GBP6: variants seen among roughly 807,000 people sequenced by gnomAD.
GBP6 encodes guanylate-binding protein 6.
A neutral mutation model predicts 61.5 loss-of-function variants in GBP6; 54 were observed. The ratio of observed to expected loss-of-function variants is 0.88; its 90% confidence interval spans 0.71 to 1.10. The LOEUF is 1.10. GBP6 is among the 50% of genes least tolerant of loss of function. GBP6 has a pLI of 0.00. For synonymous variants in GBP6, 255 were observed against 273.7 expected (o/e 0.93, Z 0.67); for missense variants, 748 against 752.8 (o/e 0.99, Z 0.07).
chr1:89,366,619 G>A (rs186077973), intron 1 of GBP6, among the ~76,000 whole-genome samples: 4 of 152,342 alleles, frequency 2.6e-5, no homozygotes, highest in African/African-American at 9.6e-5. Context: ...TGACAGATAA[G>A]TGGTTGCAGT....
chr1:89,374,373 TTAAATA>T (rs1261651346), intron 3 of GBP6, among the ~76,000 whole-genome samples: 7 of 152,194 alleles, frequency 4.6e-5, no homozygotes, highest in African/African-American at 1.4e-4. Context: ...ACTTCCATAT[TTAAATA>T]TAAATATAAA....
rs750194971 is a variant in GBP6 at position 89,382,817 on chromosome 1, A to G, written c.1306A>G (p.Met436Val). ...FSVPGGHKLY[M>V]ETKERIEQDY... ...TGTTCCTGGAGGGCACAAGCTCTAC[A>G]TGGAAACAAAGGAAAGGATTGAACA... Residue 436 changes from methionine (M) to valine (V), a missense_variant, in exon 8 of 11, where the codon ATG becomes GTG. Coordinates refer to ENST00000370456, the MANE Select transcript of GBP6 (RefSeq NM_198460.3). The G allele has an allele frequency of 1.9e-6, 3 of 1,614,036 alleles. No individual in the cohort carries two copies. The highest frequency in any genetic ancestry group is 1.3e-5 in the African/African-American group (1 of 74,932).
Position 89,387,509 on chromosome 1 carries a change from C to T in GBP6, c.*2040C>T, listed in dbSNP as rs1323264521. ...GGCATAGGTTGTGCTAAATAAGCTT[C>T]TTTTATAAAAACAATAGGCTGATGC... is the stretch of plus-strand genomic sequence containing the variant. On this transcript the variant is annotated 3_prime_UTR_variant, in exon 11 of 11. Transcript: ENST00000370456. Among the ~76,000 whole-genome samples the T allele has an allele frequency of 1.3e-5, 2 of 152,176 alleles. No individual in the cohort carries two copies. The highest frequency in any genetic ancestry group is 2.9e-5 in the Non-Finnish European group (2 of 68,024).
intron 1 of GBP6, among the ~76,000 whole-genome samples, chr1:89,365,916 A>G (rs1652455307): frequency 6.6e-6 from 1 of 152,220 alleles, no homozygotes; most frequent in Non-Finnish European, 1.5e-5. Flanking sequence ...TATTTGAGGC[A>G]TTTGAAGACA....
Position 89,382,764 on chromosome 1 carries a change from T to C in GBP6, c.1253T>C (p.Met418Thr), listed in dbSNP as rs1468056081. 1.2e-6 allele frequency: 2 copies of C among 1,614,012 alleles called. No homozygotes were observed. The highest frequency in any genetic ancestry group is 2.2e-5 in the South Asian group (2 of 91,086). The change falls in exon 8 of 11, where the codon ATG becomes ACG. Residue 418 changes from methionine (M) to threonine (T), a missense_variant. Met to Thr is a moderately conservative substitution (Grantham distance 81, BLOSUM62 -1). Coordinates refer to ENST00000370456, the MANE Select transcript of GBP6 (RefSeq NM_198460.3). The stretch of plus-strand genomic sequence containing the variant: ...CTCAATGAGCTCTCAAAGGGACTAA[T>C]GGAAAGTATCTCAGCAGGAAGTTTC... ...AKLNELSKGL[M>T]ESISAGSFSV...
At chr1:89,369,448 G>A in intron 2 of GBP6, 98 bp from the exon 3 acceptor site, 2 of 1,390,226 alleles carry the variant, frequency 1.4e-6, no homozygotes, top group South Asian at 1.5e-5. Flanking sequence ...CATCATGTAT[G>A]TTGGGGTAGT....
intron 3 of GBP6, among the ~76,000 whole-genome samples, chr1:89,377,070 T>C (rs1436752576): frequency 6.6e-6 from 1 of 152,218 alleles, no homozygotes; most frequent in African/African-American, 2.4e-5. Context: ...CCTGGAATTA[T>C]GTAGAAATCT....
chr1:89,385,560 GTCTTAC>G lies in GBP6; in HGVS notation c.*95_*100del, dbSNP rs1553143784. The G allele has an allele frequency of 9.1e-7, 1 of 1,103,886 alleles. No individual in the cohort carries two copies. The highest frequency in any genetic ancestry group is 1.3e-6 in the Non-Finnish European group (1 of 795,858). 68.4% of individuals were successfully genotyped at this position (1,103,886 alleles called of 1,614,324 possible). On this transcript the variant is annotated 3_prime_UTR_variant, in exon 11 of 11. Transcript: ENST00000370456. ...CAGCAAGTTTTTTTTTTTTTTCAGA[GTCTTAC>G]TCTGTTGCCCAGGCTGGAGTACAGT...
Position 89,369,572 on chromosome 1 carries a change from T to C in GBP6, c.217T>C (p.Ser73Pro). ...HGFPLGSTVQ[S>P]ETKGIWMWCV... is the part of the protein sequence containing the mutation. ...CTTCCCTCTGGGCTCCACGGTGCAG[T>C]CTGAAACCAAGGGCATCTGGATGTG... Residue 73 changes from serine (S) to proline (P), a missense_variant, in exon 3 of 11, where the codon TCT becomes CCT. Transcript: ENST00000370456. 6.2e-7 allele frequency: 1 copy of C among 1,614,026 alleles called. No individual in the cohort carries two copies. Among genetic ancestry groups the C allele is most frequent in the Non-Finnish European group, 8.5e-7 (1 of 1,179,956 alleles).
At chr1:89,382,572 AC>A in intron 7 of GBP6, 91 bp from the exon 8 acceptor site, 1 of 973,008 alleles carries the variant, frequency 1.0e-6, no homozygotes, top group Non-Finnish European at 1.6e-6. Context: ...TCTCATGAGG[AC>A]CACAGTTAGA....
intron 3 of GBP6, among the ~76,000 whole-genome samples, chr1:89,370,023 C>G (rs1332171261): frequency 6.6e-6 from 1 of 152,162 alleles, no homozygotes; most frequent in Non-Finnish European, 1.5e-5. Context: ...AAGCAGGTTG[C>G]TGAGAGGGAG....
rs372370747 is a variant in GBP6 at position 89,372,394 on chromosome 1, T to C, written c.318+2721T>C. 1.3e-4 allele frequency among the ~76,000 whole-genome samples: 20 copies of C among 152,268 alleles called. No homozygotes were observed. In the East Asian group the frequency reaches 3.3e-3, roughly 25 times the overall value. Reference sequence around the variant, plus strand: ...CAAAAGAACAAAGTTGGAGGCATCATGCTACCTGACTTCAAACTATACTAC... The same window carrying C: ...CAAAAGAACAAAGTTGGAGGCATCACGCTACCTGACTTCAAACTATACTAC... On this transcript the variant is annotated intron_variant, in intron 3 of 10. Transcript: ENST00000370456.
Position 89,386,995 on chromosome 1 carries a change from T to C in GBP6, c.*1526T>C, listed in dbSNP as rs7526910. ...GGACCAGCCATAGGGTTAAATGGGATGGGGAGAAAACAATCAAGTGAAGTA... is the reference window on the plus strand; with the variant it reads ...GGACCAGCCATAGGGTTAAATGGGACGGGGAGAAAACAATCAAGTGAAGTA... On this transcript the variant is annotated 3_prime_UTR_variant, in exon 11 of 11. Coordinates refer to ENST00000370456, the MANE Select transcript of GBP6 (RefSeq NM_198460.3). 0.89 allele frequency among the ~76,000 whole-genome samples: 136,168 copies of C among 152,290 alleles called. 60,957 individuals carry two copies. The highest frequency in any genetic ancestry group is 0.91 in the Middle Eastern group (269 of 294).
rs1652864939 is a variant in GBP6, at chr1:89,378,360, A to C, written c.429-57A>C. The C allele has an allele frequency of 2.1e-5, 33 of 1,561,274 alleles. No homozygotes were observed. The South Asian group carries it at 3.8e-4, about 18-fold the overall frequency. On this transcript the variant is annotated intron_variant, in intron 4 of 10. Transcript: ENST00000370456. Reference sequence around the variant, plus strand: ...AAAAGAGAGTGTTTATAATATTTTTATAAAAGAAATGTGTGAATTGTGGGC... The same window carrying C: ...AAAAGAGAGTGTTTATAATATTTTTCTAAAAGAAATGTGTGAATTGTGGGC...
At chr1:89,373,580 C>T (rs932616411) in intron 3 of GBP6, among the ~76,000 whole-genome samples, 1 of 152,082 alleles carries the variant, frequency 6.6e-6, no homozygotes, top group African/African-American at 2.4e-5. Context: ...AAACCAAACA[C>T]CACATGTTCT....
At chr1:89,368,978 T>G (rs778118326) in intron 2 of GBP6, among the ~76,000 whole-genome samples, 8 of 152,238 alleles carry the variant, frequency 5.3e-5, no homozygotes, top group Non-Finnish European at 1.2e-4. Context: ...CCTTCCCTTG[T>G]GTATTCAAGT....
chr1:89,383,509 A>G (rs1171050369), intron 8 of GBP6, 143 bp from the exon 9 acceptor site: 15 of 616,708 alleles, frequency 2.4e-5, no homozygotes, highest in Non-Finnish European at 1.2e-5. Context: ...TGGTCACCCT[A>G]AAGAGCCCGC....
chr1:89,381,546 T>C (rs1652978800), intron 6 of GBP6, 148 bp from the exon 7 acceptor site: 1 of 662,244 alleles, frequency 1.5e-6, no homozygotes, highest in Admixed American at 3.1e-5. Context: ...AGAGTGATAA[T>C]AGCAGAAGGA....
At position 89,385,487 on chromosome 1, in the gene GBP6, C is replaced by A. The variant is rs758204851; in HGVS notation, c.*18C>A. 6.2e-7 allele frequency: 1 copy of A among 1,601,144 alleles called. No individual in the cohort carries two copies. The highest frequency in any genetic ancestry group is 1.1e-5 in the South Asian group (1 of 89,344). Reference sequence around the variant, plus strand: ...CCTTTTAAGGATATTATAGATTGTACATATATGCTTTGGACTATTTTTGAT... The same window carrying A: ...CCTTTTAAGGATATTATAGATTGTAAATATATGCTTTGGACTATTTTTGAT... On this transcript the variant is annotated 3_prime_UTR_variant, in exon 11 of 11. Coordinates refer to ENST00000370456, the MANE Select transcript of GBP6 (RefSeq NM_198460.3).
Sources: gnomAD v4.1 joint callset for allele counts (sites outside exome capture counted in the v4.1 genomes callset) on GRCh38, gnomAD v4.1.1 for gene constraint, MANE v1.5 for transcripts, NCBI Gene and HGNC (gene_info 2026-07-23, HGNC 2026-07-21) for gene names.